Variants in HECW1 observed in about 807,000 individuals in gnomAD.
HECW1 encodes the protein E3 ubiquitin-protein ligase HECW1.
A neutral mutation model predicts 182.3 loss-of-function variants in HECW1; 61 were observed. That is an observed-to-expected ratio of 0.33 (90% CI 0.27 to 0.41). HECW1 has a LOEUF of 0.41. Ranked by LOEUF, HECW1 falls within the 10% of genes least tolerant of loss-of-function variation. The pLI, the probability that HECW1 is intolerant of heterozygous loss-of-function variation, is 1.00. For synonymous variants in HECW1, 859 were observed against 832.6 expected, an observed-to-expected ratio of 1.03 and a Z score of -0.55; for missense variants, 1,739 against 2,108.9, an observed-to-expected ratio of 0.82 and a Z score of 3.44.
At chr7:43,321,463 C>T (rs1027046104) in intron 5 of HECW1, among the ~76,000 whole-genome samples, 2 of 152,064 alleles carry the variant, frequency 1.3e-5, no homozygotes, top group Non-Finnish European at 2.9e-5. Flanking sequence ...TAGGTATTTC[C>T]TACATACGAA....
chr7:43,355,929 C>A (rs888681636), intron 5 of HECW1, among the ~76,000 whole-genome samples: 2 of 152,088 alleles, frequency 1.3e-5, no homozygotes, highest in African/African-American at 4.8e-5. Flanking sequence ...GCGGAGGTTG[C>A]AGTGAGCCAA....
intron 7 of HECW1, among the ~76,000 whole-genome samples, chr7:43,397,913 T>G (rs1251946964): frequency 3.3e-5 from 5 of 152,170 alleles, no homozygotes. Flanking sequence ...ATGTGGGAAA[T>G]CTTTGTATTA....
In HECW1 at chr7:43,562,556, A is replaced by C; in HGVS notation, c.*630A>C. On this transcript the variant is annotated 3_prime_UTR_variant, in exon 30 of 30. Transcript: ENST00000395891. ...ACTAGCCTAGACATACGGTGCAAAT[A>C]TGACACTTCTAACGATTAACAACAG... 1 of 228,016 alleles carries C rather than the reference A, an allele frequency of 4.4e-6. No homozygotes were observed. The highest frequency in any genetic ancestry group is 6.3e-5 in the East Asian group (1 of 15,958). The allele number at this position is 228,016 out of a possible 1,614,324, so 14.1% of individuals were successfully genotyped here.
chr7:43,458,728 A>G (rs2077482866), intron 13 of HECW1, among the ~76,000 whole-genome samples: 1 of 152,236 alleles, frequency 6.6e-6, no homozygotes, highest in Admixed American at 6.5e-5. Flanking sequence ...GCAGCCCAAG[A>G]AAGTACATTT....
At chr7:43,162,737 C>T (rs984327965) in intron 2 of HECW1, among the ~76,000 whole-genome samples, 1 of 152,158 alleles carries the variant, frequency 6.6e-6, no homozygotes, top group African/African-American at 2.4e-5. Flanking sequence ...CCTTTTAATA[C>T]AGAGGTAGTG....
intron 5 of HECW1, among the ~76,000 whole-genome samples, chr7:43,333,378 C>T (rs535983285): frequency 3.3e-5 from 5 of 152,196 alleles, no homozygotes; most frequent in South Asian, 4.1e-4. Flanking sequence ...GGATTTCAAT[C>T]GCTTCCTCAC....
intron 2 of HECW1, among the ~76,000 whole-genome samples, chr7:43,164,552 C>A (rs1486199524): frequency 6.6e-6 from 1 of 152,190 alleles, no homozygotes; most frequent in Non-Finnish European, 1.5e-5. Context: ...CTGTGCTCCC[C>A]ATGGGAAGAC....
intron 5 of HECW1, among the ~76,000 whole-genome samples, chr7:43,353,124 C>G (rs1033777643): frequency 6.6e-6 from 1 of 152,056 alleles, no homozygotes; most frequent in African/African-American, 2.4e-5. Context: ...TCGTGAAGGA[C>G]ATGGTCACCC....
intron 24 of HECW1, among the ~76,000 whole-genome samples, chr7:43,517,254 A>G (rs889985790): frequency 2.6e-5 from 4 of 152,154 alleles, no homozygotes; most frequent in Admixed American, 2.6e-4. Context: ...AGTTGTCACA[A>G]TCAGACATTT....
At chr7:43,184,367 C>T (rs906613289) in intron 2 of HECW1, among the ~76,000 whole-genome samples, 4 of 152,276 alleles carry the variant, frequency 2.6e-5, no homozygotes, top group South Asian at 2.1e-4. Flanking sequence ...GTGATGCTAC[C>T]GAACACTGAG....
chr7:43,397,161 C>G (rs993796589), intron 7 of HECW1, among the ~76,000 whole-genome samples: 1 of 152,094 alleles, frequency 6.6e-6, no homozygotes. Context: ...GTCCATGTAG[C>G]AGTAGTTGAG....
In HECW1 at chr7:43,240,262, C is replaced by T. The variant is rs571320158; in HGVS notation, c.-31-3613C>T. Among the ~76,000 whole-genome samples the T allele has an allele frequency of 2.7e-3, 416 of 152,208 alleles. 1 individual carries two copies. Among genetic ancestry groups the T allele is most frequent in the Non-Finnish European group, 5.3e-3 (359 of 68,014 alleles). ...CTGAGGCAGGAGAATGGCGTGAACC[C>T]GGGAGGCGGAGCTTGCAGTGAGCCG... On this transcript the variant is annotated intron_variant, in intron 2 of 29. Coordinates refer to ENST00000395891, the MANE Select transcript of HECW1 (RefSeq NM_015052.5).
At chr7:43,549,519 A>T (rs2081712408) in intron 26 of HECW1, among the ~76,000 whole-genome samples, 1 of 152,230 alleles carries the variant, frequency 6.6e-6, no homozygotes, top group South Asian at 2.1e-4. Flanking sequence ...ATGACTGAAG[A>T]TTACCCCCTT....
At chr7:43,272,988 C>T (rs1370291228) in intron 3 of HECW1, among the ~76,000 whole-genome samples, 1 of 152,098 alleles carries the variant, frequency 6.6e-6, no homozygotes, top group Non-Finnish European at 1.5e-5. Context: ...ACTAGGCAGC[C>T]ATAAAAAAGA....
chr7:43,229,091 G>A (rs948661379), intron 2 of HECW1, among the ~76,000 whole-genome samples: 8 of 152,156 alleles, frequency 5.3e-5, no homozygotes, highest in Non-Finnish European at 7.4e-5. Context: ...TGAGATAGCT[G>A]CTGTACCTTA....
chr7:43,302,707 C>G (rs555316456), intron 3 of HECW1, among the ~76,000 whole-genome samples: 5 of 152,302 alleles, frequency 3.3e-5, no homozygotes, highest in Admixed American at 1.3e-4. Flanking sequence ...GCGCCTTGGG[C>G]CCCTGGAGCC....
chr7:43,483,195 A>T (rs1403401657), intron 17 of HECW1, among the ~76,000 whole-genome samples: 1 of 152,224 alleles, frequency 6.6e-6, no homozygotes, highest in African/African-American at 2.4e-5. Flanking sequence ...TAATTGATTC[A>T]TCCATTGTTT....
At chr7:43,345,375 A>G (rs1813543776) in intron 5 of HECW1, among the ~76,000 whole-genome samples, 3 of 152,166 alleles carry the variant, frequency 2.0e-5, no homozygotes, top group Admixed American at 1.3e-4. Context: ...GCAATCTCTT[A>G]TCAGAAGAAA....
chr7:43,303,344 C>T (rs1807112990), intron 3 of HECW1, among the ~76,000 whole-genome samples: 1 of 131,800 alleles, frequency 7.6e-6, no homozygotes, highest in African/African-American at 2.8e-5. Context: ...CCCCCCGCCC[C>T]CCAACACCTG....
Sources: allele counts gnomAD v4.1 joint callset (sites outside exome capture counted in the v4.1 genomes callset), GRCh38; gene constraint gnomAD v4.1.1; transcripts MANE v1.5; gene names NCBI Gene and HGNC (gene_info 2026-07-23, HGNC 2026-07-21).